Variants in KDR observed in about 807,000 individuals in gnomAD.
The protein encoded by KDR is vascular endothelial growth factor receptor 2.
In KDR, 43 loss-of-function variants were observed where a neutral mutation model predicts 160.9. The observed-to-expected ratio is 0.27, with a 90% CI of 0.21 to 0.34. KDR has a LOEUF of 0.34. KDR is among the 10% of genes least tolerant of loss of function. KDR has a pLI of 1.00. For synonymous variants in KDR, 617 were observed against 600.1 expected, an observed-to-expected ratio of 1.03 and a Z score of -0.41; for missense variants, 1,469 against 1,666.4, an observed-to-expected ratio of 0.88 and a Z score of 2.06.
intron 29 of KDR, 36 bp downstream of exon 29, chr4:55,081,920 A>G (rs1323132236): frequency 5.6e-6 from 8 of 1,437,734 alleles, no homozygotes; most frequent in Non-Finnish European, 6.9e-6. Flanking sequence ...AAAAATTCCT[A>G]TTGAAATTTG....
intron 11 of KDR, 41 bp downstream of exon 11, chr4:55,106,646 A>G (rs560994135): frequency 7.2e-7 from 1 of 1,385,664 alleles, no homozygotes; most frequent in East Asian, 2.3e-5. Context: ...TCCTTCCATT[A>G]AAGAGAGAGA....
chr4:55,110,623 A>G, intron 8 of KDR, 31 bp downstream of exon 8: 1 of 1,612,844 alleles, frequency 6.2e-7, no homozygotes, highest in Non-Finnish European at 8.5e-7. Flanking sequence ...CTCACACGAA[A>G]TGATGCTTTG....
chr4:55,082,484 G>T, intron 28 of KDR, 52 bp downstream of exon 28: 1 of 1,316,692 alleles, frequency 7.6e-7, no homozygotes, highest in Admixed American at 1.7e-5. Flanking sequence ...TATCTAGCTA[G>T]TGTTTCATCC....
Position 55,079,914 on chromosome 4 carries a change from A to C in KDR, c.*27T>G, listed in dbSNP as rs4421048. The C allele has an allele frequency of 1.3e-6, 2 of 1,577,904 alleles. No individual in the cohort carries two copies. The highest frequency in any genetic ancestry group is 4.5e-5 in the East Asian group (2 of 44,692). On this transcript the variant is annotated 3_prime_UTR_variant, in exon 30 of 30. Coordinates refer to ENST00000263923, the MANE Select transcript of KDR (RefSeq NM_002253.4). ...GAGCAGCACCTCTCATGTGATGTCC[A>C]GGAGTTGGGGGTGTGGATGCTTCCT...
At chr4:55,096,155 T>C in intron 19 of KDR, 74 bp downstream of exon 19, 1 of 818,608 alleles carries the variant, frequency 1.2e-6, no homozygotes, top group Admixed American at 1.7e-5. Flanking sequence ...CCAGAGGAGT[T>C]GACTGCTTTC....
intron 21 of KDR, among the ~76,000 whole-genome samples, chr4:55,093,844 T>A (rs575503036): frequency 6.6e-6 from 1 of 152,282 alleles, no homozygotes; most frequent in South Asian, 2.1e-4. Flanking sequence ...CAGTGTGTCC[T>A]GGAGCCGGCT....
rs758454497 is a variant in KDR at position 55,098,105 on chromosome 4, C to A, written c.2509+32G>T. The A allele has an allele frequency of 5.0e-6, 8 of 1,613,126 alleles. No homozygotes were observed. In the South Asian group the frequency reaches 7.7e-5, roughly 16 times the overall value. The stretch of plus-strand genomic sequence containing the variant: ...GGAGGAAGAGATGGCCTGGTAAACA[C>A]AATATCAAATTAATAGCAATTGAAA... On this transcript the variant is annotated intron_variant, in intron 17 of 29. Transcript: ENST00000263923.
intron 21 of KDR, among the ~76,000 whole-genome samples, chr4:55,093,563 G>A (rs1720072829): frequency 6.6e-6 from 1 of 152,188 alleles, no homozygotes; most frequent in Non-Finnish European, 1.5e-5. Context: ...AAAGAGCAGG[G>A]TAGAGGCAGC....
Position 55,078,646 on chromosome 4 carries a change from A to G in KDR, c.*1295T>C. 4.3e-6 allele frequency: 1 copy of G among 232,768 alleles called. No homozygotes were observed. The highest frequency in any genetic ancestry group is 6.1e-5 in the East Asian group (1 of 16,452). The allele number at this position is 232,768 out of a possible 1,614,324, so 14.4% of individuals were successfully genotyped here. A position where few individuals can be genotyped will look rare whatever the true frequency, so the allele number is the denominator to read the frequency against. On this transcript the variant is annotated 3_prime_UTR_variant, in exon 30 of 30. Coordinates refer to ENST00000263923, the MANE Select transcript of KDR (RefSeq NM_002253.4). ...TTCTACATAAACAGACTATAAATAT[A>G]TGTGCCATAGCATGTCTTATAGTCA... is the stretch of plus-strand genomic sequence containing the variant.
intron 26 of KDR, among the ~76,000 whole-genome samples, chr4:55,087,988 AG>A (rs1439595145): frequency 2.0e-5 from 3 of 152,226 alleles, no homozygotes; most frequent in Admixed American, 1.3e-4. Context: ...AGCAGCCCAC[AG>A]GGAAGTGCAG....
rs1719660884 is a variant in KDR at position 55,079,221 on chromosome 4, G to T, written c.*720C>A. 4.3e-6 allele frequency: 1 copy of T among 233,370 alleles called. No individual in the cohort carries two copies. Among genetic ancestry groups the T allele is most frequent in the African/African-American group, 2.2e-5 (1 of 45,334 alleles). The allele number at this position is 233,370 out of a possible 1,614,324, so 14.5% of individuals were successfully genotyped here. On this transcript the variant is annotated 3_prime_UTR_variant, in exon 30 of 30. Transcript: ENST00000263923. Reference sequence around the variant, plus strand: ...CATTTCCTTCCTGGGGCTTGGCCAGGAGACACGTAACGGTCTGGAAGGAAC... The same window carrying T: ...CATTTCCTTCCTGGGGCTTGGCCAGTAGACACGTAACGGTCTGGAAGGAAC...
In KDR at chr4:55,095,551, C is replaced by T. The variant is rs200331741; in HGVS notation, c.2817+26G>A. 3,778 of 1,501,094 alleles carry T rather than the reference C, an allele frequency of 2.5e-3. 10 individuals are homozygous for T. Among genetic ancestry groups the T allele is most frequent in the Middle Eastern group, 0.012 (68 of 5,822 alleles). The allele number at this position is 1,501,094 out of a possible 1,614,324, so 93.0% of individuals were successfully genotyped here. A position where few individuals can be genotyped will look rare whatever the true frequency, so the allele number is the denominator to read the frequency against. On this transcript the variant is annotated intron_variant, in intron 20 of 29. Transcript: ENST00000263923. ...GTTTCCCTTCATTTTATAACATGGC[C>T]AGAGCAGGATTAGGAGATGACATAC... is the stretch of plus-strand genomic sequence containing the variant.
Position 55,079,841 on chromosome 4 carries a change from C to G in KDR, c.*100G>C, listed in dbSNP as rs905544440. On this transcript the variant is annotated 3_prime_UTR_variant, in exon 30 of 30. Coordinates refer to ENST00000263923, the MANE Select transcript of KDR (RefSeq NM_002253.4). ...CTTTTTCTGTTGTCGAAATGAAAAT[C>G]AAATGCGGCTACTTCCTGCTGGTGG... is the stretch of plus-strand genomic sequence containing the variant. 1 of 1,087,980 alleles carries G rather than the reference C, an allele frequency of 9.2e-7. No homozygotes were observed. The highest frequency in any genetic ancestry group is 1.4e-6 in the Non-Finnish European group (1 of 702,944). 67.4% of individuals were successfully genotyped at this position (1,087,980 alleles called of 1,614,324 possible). A position where few individuals can be genotyped will look rare whatever the true frequency, so the allele number is the denominator to read the frequency against.
chr4:55,096,938 A>G (rs1309884925), intron 18 of KDR, among the ~76,000 whole-genome samples: 2 of 152,160 alleles, frequency 1.3e-5, no homozygotes, highest in African/African-American at 4.8e-5. Context: ...AGCCACCTCA[A>G]AATTACACAC....
Position 55,110,649 on chromosome 4 carries a change from G to A in KDR, c.1091+5C>T, listed in dbSNP as rs746305227. The A allele has an allele frequency of 2.5e-6, 4 of 1,612,718 alleles. No individual in the cohort carries two copies. In the East Asian group the frequency reaches 6.7e-5, roughly 27 times the overall value. On this transcript the variant is annotated splice_donor_5th_base_variant and intron_variant, in intron 8 of 29. Transcript: ENST00000263923. ...TGATGCTTTGCATTTATTTCCAGTA[G>A]TTACCATTTTATTTCTGGGGGTGGG...
intron 18 of KDR, among the ~76,000 whole-genome samples, chr4:55,097,337 T>C (rs1720185093): frequency 6.6e-6 from 1 of 152,182 alleles, no homozygotes; most frequent in African/African-American, 2.4e-5. Flanking sequence ...TTCCACAATA[T>C]ATTAAGAAAC....
intron 15 of KDR, 59 bp downstream of exon 15, chr4:55,101,838 T>C: frequency 1.4e-6 from 2 of 1,435,894 alleles, no homozygotes; most frequent in Non-Finnish European, 1.9e-6. Flanking sequence ...AGATTCCTTT[T>C]TACGGCTGCA....
chr4:55,101,372 AT>A (rs1243047185), intron 15 of KDR, among the ~76,000 whole-genome samples: 1 of 152,208 alleles, frequency 6.6e-6, no homozygotes, highest in Non-Finnish European at 1.5e-5. Context: ...CACTGAGAAA[AT>A]TTACAAAGTA....
At position 55,098,134 on chromosome 4, in the gene KDR, C is replaced by A. The variant is rs756152232; in HGVS notation, c.2509+3G>T. 6.2e-7 allele frequency: 1 copy of A among 1,613,816 alleles called. No individual in the cohort carries two copies. The highest frequency in any genetic ancestry group is 1.3e-5 in the African/African-American group (1 of 74,988). ...ATCAAATTAATAGCAATTGAAAATG[C>A]ACCTAGCTTCAGCCGGTCTCTGGGG... On this transcript the variant is annotated splice_donor_region_variant and intron_variant, in intron 17 of 29. Coordinates refer to ENST00000263923, the MANE Select transcript of KDR (RefSeq NM_002253.4).
Sources: allele counts gnomAD v4.1 joint callset (sites outside exome capture counted in the v4.1 genomes callset), GRCh38; gene constraint gnomAD v4.1.1; transcripts MANE v1.5; gene names NCBI Gene and HGNC (gene_info 2026-07-23, HGNC 2026-07-21).